The following SCN9A variants were observed in gnomAD, a reference collection of about 807,000 sequenced individuals.
SCN9A encodes the protein sodium voltage-gated channel alpha subunit 9, also known as sodium channel protein type 9 subunit alpha.
Under a neutral mutation model 187.0 loss-of-function variants are expected in SCN9A, and 131 were observed. The observed-to-expected ratio is 0.70, with a 90% CI of 0.61 to 0.81. The LOEUF (loss-of-function observed/expected upper bound fraction) is 0.81, where lower values mean the gene tolerates loss of function less well. Among genes scored for constraint, SCN9A ranks in the 30% least tolerant of loss-of-function variants. The pLI is 0.00. For missense variants in SCN9A, 2,252 were observed against 2,396.6 expected, an observed-to-expected ratio of 0.94 and a Z score of 1.26; for synonymous variants, 809 against 808.6, an observed-to-expected ratio of 1.00 and a Z score of -0.01.
At chr2:166,246,557 G>A (rs531916875) in intron 18 of SCN9A, among the ~76,000 whole-genome samples, 2 of 151,982 alleles carry the variant, frequency 1.3e-5, no homozygotes, top group South Asian at 2.1e-4. Flanking sequence ...ATACCAGAGA[G>A]AGCGAAAAAA....
chr2:166,311,577 G>A lies in SCN9A; in HGVS notation c.180C>T (p.Pro60=), dbSNP rs188383084. The A allele has an allele frequency of 2.5e-6, 4 of 1,613,284 alleles. No individual in the cohort carries two copies. The highest frequency in any genetic ancestry group is 1.7e-5 in the Admixed American group (1 of 59,924). Residue 60 remains proline, a synonymous_variant, in exon 2 of 27, where the codon CCC becomes CCT. Coordinates refer to ENST00000642356, the MANE Select transcript of SCN9A (RefSeq NM_001365536.1). ...SSDLEAGKQL[P]FIYGDIPPGM... is the part of the protein sequence containing the mutation. ...CGGGAGGAATGTCCCCATAGATGAA[G>A]GGCAGCTGTTTGCCAGCTTCCAAGT...
At chr2:166,257,808 C>A (rs1033172406) in intron 17 of SCN9A, among the ~76,000 whole-genome samples, 3 of 151,188 alleles carry the variant, frequency 2.0e-5, no homozygotes, top group Non-Finnish European at 3.0e-5. Flanking sequence ...GTATATGCAT[C>A]CTTATTTAGG....
chr2:166,339,027 G>A (rs1458355046), intron 1 of SCN9A, among the ~76,000 whole-genome samples: 3 of 152,072 alleles, frequency 2.0e-5, no homozygotes, highest in Non-Finnish European at 2.9e-5. Context: ...CTGTTGCAAA[G>A]GTCTTGGCAT....
chr2:166,321,561 C>T (rs2105246398), intron 1 of SCN9A: 1 of 150,114 alleles, frequency 6.7e-6, no homozygotes, highest in Non-Finnish European at 1.5e-5. Context: ...ATAGAAACAA[C>T]ACATATTTTG....
intron 24 of SCN9A, among the ~76,000 whole-genome samples, chr2:166,214,187 T>A (rs1694218620): frequency 1.3e-5 from 2 of 152,104 alleles, no homozygotes; most frequent in Non-Finnish European, 2.9e-5. Context: ...GGCTTTTAGA[T>A]CACCATGCTT....
chr2:166,262,725 G>A (rs866363930), intron 17 of SCN9A, among the ~76,000 whole-genome samples: 3 of 151,894 alleles, frequency 2.0e-5, no homozygotes, highest in African/African-American at 7.2e-5. Flanking sequence ...TTTTAGAATC[G>A]CAGTCATCTG....
intron 26 of SCN9A, among the ~76,000 whole-genome samples, chr2:166,200,314 C>CTGTCT (rs1693446886): frequency 6.6e-6 from 1 of 151,812 alleles, no homozygotes; most frequent in Non-Finnish European, 1.5e-5. Context: ...TTATTTTATA[C>CTGTCT]TGAATGCAAT....
intron 17 of SCN9A, among the ~76,000 whole-genome samples, chr2:166,262,174 G>C (rs1407810495): frequency 6.6e-6 from 1 of 151,694 alleles, no homozygotes; most frequent in Admixed American, 6.6e-5. Flanking sequence ...ACTTGAATTT[G>C]GTCTAGATGA....
At chr2:166,273,575 T>C (rs1397226797) in intron 16 of SCN9A, among the ~76,000 whole-genome samples, 1 of 152,128 alleles carries the variant, frequency 6.6e-6, no homozygotes, top group Non-Finnish European at 1.5e-5. Flanking sequence ...GTCAGGACAA[T>C]TTCTATTCTC....
chr2:166,348,035 C>G (rs996574080), intron 1 of SCN9A, among the ~76,000 whole-genome samples: 1 of 152,122 alleles, frequency 6.6e-6, no homozygotes, highest in African/African-American at 2.4e-5. Flanking sequence ...AGGACCAAAC[C>G]TTTTTCCTAT....
At chr2:166,223,989 T>C (rs1200078862) in intron 24 of SCN9A, among the ~76,000 whole-genome samples, 2 of 152,170 alleles carry the variant, frequency 1.3e-5, no homozygotes, top group Non-Finnish European at 2.9e-5. Context: ...ATAGGGGATA[T>C]GAGTTTTTGA....
intron 1 of SCN9A, among the ~76,000 whole-genome samples, chr2:166,360,580 G>A (rs1018201536): frequency 1.3e-5 from 2 of 152,154 alleles, no homozygotes; most frequent in East Asian, 3.8e-4. Flanking sequence ...TGATTTAGGA[G>A]AAAGTGCATA....
At chr2:166,312,329 A>G (rs143623645) in intron 1 of SCN9A, among the ~76,000 whole-genome samples, 2 of 152,284 alleles carry the variant, frequency 1.3e-5, no homozygotes, top group South Asian at 2.1e-4. Flanking sequence ...CTCCTCATCC[A>G]TTCAAGTTAC....
In SCN9A at chr2:166,197,274, A is replaced by G. The variant is rs1186238277; in HGVS notation, c.*1398T>C. The G allele has an allele frequency of 6.6e-6, 1 of 152,106 alleles. No homozygotes were observed. Among genetic ancestry groups the G allele is most frequent in the African/African-American group, 2.4e-5 (1 of 41,442 alleles). The allele number at this position is 152,106 out of a possible 1,614,324, so 9.4% of individuals were successfully genotyped here. ...TATGGTTATTTCTTTTCAAATTACT[A>G]TTAATAGGTGTTTTCAAAAAACTAG... On this transcript the variant is annotated 3_prime_UTR_variant, in exon 27 of 27. Transcript: ENST00000642356.
intron 24 of SCN9A, among the ~76,000 whole-genome samples, chr2:166,222,751 T>G (rs368619587): frequency 0.01 from 1,521 of 144,922 alleles, 91 homozygotes; most frequent in African/African-American, 0.037. Context: ...GCTAACAGGG[T>G]GAAACCCCGT....
chr2:166,358,034 T>TTTTATTTATTTA lies in SCN9A; in HGVS notation c.-51+17651_-51+17662dup, dbSNP rs371958712. Among the ~76,000 whole-genome samples the TTTTATTTATTTA allele has an allele frequency of 1.6e-3, 227 of 140,986 alleles. 1 individual carries two copies. Among genetic ancestry groups the TTTTATTTATTTA allele is most frequent in the Non-Finnish European group, 2.3e-3 (152 of 65,228 alleles). The allele number at this position is 140,986 out of a possible 152,430, so 92.5% of individuals were successfully genotyped here. ...GAGCCTAATAAGTGGGGAATAAAAC[T>TTTTATTTATTTA]TTTATTTATTTATTTATTTATTTAT... On this transcript the variant is annotated intron_variant, in intron 1 of 26. Transcript: ENST00000642356.
chr2:166,350,748 C>T (rs1481515229), intron 1 of SCN9A, among the ~76,000 whole-genome samples: 3 of 151,960 alleles, frequency 2.0e-5, no homozygotes, highest in Non-Finnish European at 4.4e-5. Context: ...CTGGTGATCA[C>T]CAGGGAAAAG....
intron 24 of SCN9A, among the ~76,000 whole-genome samples, chr2:166,206,802 GA>G (rs1693828350): frequency 6.6e-6 from 1 of 151,866 alleles, no homozygotes; most frequent in Non-Finnish European, 1.5e-5. Flanking sequence ...TCTATTTCAA[GA>G]AACTCTTTGA....
chr2:166,209,337 G>A (rs532249563), intron 24 of SCN9A, among the ~76,000 whole-genome samples: 32 of 152,276 alleles, frequency 2.1e-4, no homozygotes, highest in Admixed American at 1.8e-3. Flanking sequence ...AAGAAATAGA[G>A]ATTTATAAAT....
Sources: allele counts gnomAD v4.1 joint callset (sites outside exome capture counted in the v4.1 genomes callset), GRCh38; gene constraint gnomAD v4.1.1; transcripts MANE v1.5; gene names NCBI Gene and HGNC (gene_info 2026-07-23, HGNC 2026-07-21).